ABCA13: variants seen among roughly 807,000 people sequenced by gnomAD.
ABCA13 encodes ATP-binding cassette sub-family A member 13.
A neutral mutation model predicts 478.7 loss-of-function variants in ABCA13; 476 were observed. The observed-to-expected ratio is 0.99, with a 90% confidence interval of 0.92 to 1.07. ABCA13 has a LOEUF of 1.07. Ranked by LOEUF, ABCA13 falls within the 50% of genes least tolerant of loss-of-function variation. ABCA13 has a pLI of 0.00. For missense variants in ABCA13, 6,060 were observed against 5,910.6 expected, an observed-to-expected ratio of 1.03 and a Z score of -0.83; for synonymous variants, 2,252 against 2,158.9, an observed-to-expected ratio of 1.04 and a Z score of -1.20.
rs891754103 is a variant in ABCA13 at position 48,587,301 on chromosome 7, A to T, written c.14640+13A>T. 3.1e-6 allele frequency: 5 copies of T among 1,593,108 alleles called. No homozygotes were observed. The highest frequency in any genetic ancestry group is 3.4e-6 in the Non-Finnish European group (4 of 1,168,368). On this transcript the variant is annotated intron_variant, in intron 57 of 61. Transcript: ENST00000435803. ...CATTCTTTTATTGGTGAGTAGAAGA[A>T]TGTCAATATCTTGGAGTAAGATACA...
chr7:48,292,430 C>T (rs1304652446), intron 20 of ABCA13, among the ~76,000 whole-genome samples: 1 of 152,178 alleles, frequency 6.6e-6, no homozygotes, highest in Admixed American at 6.5e-5. Flanking sequence ...TTGCCTCGAT[C>T]CCTAATGCGG....
Position 48,279,317 on chromosome 7 carries a change from TA to T in ABCA13, c.8127del (p.Lys2709AsnfsTer4). On this transcript the variant is annotated frameshift_variant, in exon 18 of 62. Transcript: ENST00000435803. LOFTEE classifies it high-confidence loss of function. ...TCCACTCATAGTGGCCCTCAAGATA[TA>T]AAATGGGAAATAATTCATGAAGTGA... is the stretch of plus-strand genomic sequence containing the variant. ...PISTHSGPQDIKWEIIHEVIP... is the reference protein window; with the variant it reads ...PISTHSGPQDXKWEIIHEVIP... The T allele has an allele frequency of 1.3e-6, 2 of 1,587,020 alleles. No individual in the cohort carries two copies. The highest frequency in any genetic ancestry group is 1.1e-5 in the South Asian group (1 of 87,692).
Position 48,508,061 on chromosome 7 carries a change from G to A in ABCA13, c.13524+12G>A. 6.2e-7 allele frequency: 1 copy of A among 1,613,774 alleles called. No individual in the cohort carries two copies. Among genetic ancestry groups the A allele is most frequent in the African/African-American group, 1.3e-5 (1 of 75,054 alleles). ...TCCTATATGACATGGTAGGATTTGG[G>A]AATGAGATTCTGTGTGCCTCCACAA... On this transcript the variant is annotated intron_variant, in intron 50 of 61. Coordinates refer to ENST00000435803, the MANE Select transcript of ABCA13 (RefSeq NM_152701.5).
chr7:48,174,302 C>CT (rs547291135), intron 1 of ABCA13, among the ~76,000 whole-genome samples: 243 of 150,744 alleles, frequency 1.6e-3, no homozygotes, highest in Non-Finnish European at 2.7e-3. Flanking sequence ...TTTTTTTTAG[C>CT]TTTTTTTTTA....
At chr7:48,181,582 A>G (rs544524545) in intron 1 of ABCA13, among the ~76,000 whole-genome samples, 24 of 151,816 alleles carry the variant, frequency 1.6e-4, no homozygotes, top group Admixed American at 3.9e-4. Context: ...TCTCAATTCA[A>G]GTAGCCTAAT....
chr7:48,438,417 A>G (rs1823131415), intron 42 of ABCA13, among the ~76,000 whole-genome samples: 1 of 152,020 alleles, frequency 6.6e-6, no homozygotes, highest in Admixed American at 6.6e-5. Context: ...TAGTGTTTCC[A>G]TAGGGACAGG....
At chr7:48,487,002 C>T (rs1268439438) in intron 47 of ABCA13, among the ~76,000 whole-genome samples, 1 of 152,096 alleles carries the variant, frequency 6.6e-6, no homozygotes, top group East Asian at 1.9e-4. Flanking sequence ...AACTAGGGCC[C>T]TTAATACAAT....
intron 46 of ABCA13, 92 bp from the exon 47 acceptor site, chr7:48,482,984 C>A: frequency 1.0e-6 from 1 of 977,998 alleles, no homozygotes; most frequent in Non-Finnish European, 1.5e-6. Context: ...CCTAAGACTG[C>A]TGTACCTGGT....
chr7:48,518,476 G>A (rs1256359975), intron 52 of ABCA13, among the ~76,000 whole-genome samples: 1 of 152,134 alleles, frequency 6.6e-6, no homozygotes, highest in African/African-American at 2.4e-5. Context: ...AGTGTGGCAA[G>A]TGGAAAGCCT....
At chr7:48,292,104 A>G (rs1212088186) in intron 20 of ABCA13, among the ~76,000 whole-genome samples, 3 of 152,068 alleles carry the variant, frequency 2.0e-5, no homozygotes, top group Non-Finnish European at 4.4e-5. Context: ...TTCCTTCTCC[A>G]GCCAACACCT....
chr7:48,477,353 C>T (rs1417385270), intron 45 of ABCA13, among the ~76,000 whole-genome samples: 2 of 152,212 alleles, frequency 1.3e-5, no homozygotes, highest in East Asian at 1.9e-4. Flanking sequence ...GGATCTAGAA[C>T]TAGAAATACC....
At chr7:48,435,957 T>C (rs944068220) in intron 42 of ABCA13, among the ~76,000 whole-genome samples, 3 of 149,700 alleles carry the variant, frequency 2.0e-5, no homozygotes, top group Non-Finnish European at 4.5e-5. Context: ...TCATAAGGAA[T>C]ATTAGTTGGT....
At chr7:48,353,577 A>T (rs1809399378) in intron 31 of ABCA13, among the ~76,000 whole-genome samples, 1 of 151,538 alleles carries the variant, frequency 6.6e-6, no homozygotes, top group Non-Finnish European at 1.5e-5. Flanking sequence ...ACCACCAAGC[A>T]GAAGTCAGGA....
intron 16 of ABCA13, among the ~76,000 whole-genome samples, chr7:48,270,228 A>T (rs1795415071): frequency 1.3e-5 from 2 of 152,172 alleles, no homozygotes; most frequent in Non-Finnish European, 1.5e-5. Context: ...CCACATAATA[A>T]CAGCTTGAAC....
chr7:48,315,101 T>A (rs17661645), intron 26 of ABCA13, among the ~76,000 whole-genome samples: 20,798 of 152,162 alleles, frequency 0.14, 1,492 homozygotes, highest in East Asian at 0.18. Context: ...GTCTGCATCA[T>A]GTTGGTTTCA....
rs200057764 is a variant in ABCA13, at chr7:48,285,524, G to A, written c.8837-2436G>A. 9.2e-5 allele frequency among the ~76,000 whole-genome samples: 14 copies of A among 152,322 alleles called. No homozygotes were observed. The East Asian group carries it at 2.7e-3, about 29-fold the overall frequency. On this transcript the variant is annotated intron_variant, in intron 19 of 61. Transcript: ENST00000435803. ...GATGTGAGGCACATGGAGGCCAGAT[G>A]GCCTGACAGCCCAGCACTGCATCCC...
intron 56 of ABCA13, among the ~76,000 whole-genome samples, chr7:48,584,329 T>C (rs1788971530): frequency 6.6e-6 from 1 of 152,178 alleles, no homozygotes; most frequent in African/African-American, 2.4e-5. Flanking sequence ...GTACAGCAGG[T>C]CCCCAAATAA....
intron 31 of ABCA13, among the ~76,000 whole-genome samples, chr7:48,353,346 C>A (rs1809356768): frequency 6.6e-6 from 1 of 151,600 alleles, no homozygotes; most frequent in Non-Finnish European, 1.5e-5. Flanking sequence ...CATTTGCAAT[C>A]CCTGCATGCT....
intron 55 of ABCA13, among the ~76,000 whole-genome samples, chr7:48,577,909 G>T (rs1027671719): frequency 1.3e-5 from 2 of 152,100 alleles, no homozygotes; most frequent in Admixed American, 6.6e-5. Context: ...GATAGGCAAG[G>T]TTCGTTCAAT....
Sources: gnomAD v4.1 joint callset for allele counts (sites outside exome capture counted in the v4.1 genomes callset) on GRCh38, gnomAD v4.1.1 for gene constraint, MANE v1.5 for transcripts, NCBI Gene and HGNC (gene_info 2026-07-23, HGNC 2026-07-21) for gene names.